Variants in SV2C observed in about 807,000 individuals in gnomAD.
The protein encoded by SV2C is synaptic vesicle glycoprotein 2C.
In SV2C, 49 loss-of-function variants were observed where a neutral mutation model predicts 79.7. The ratio of observed to expected loss-of-function variants is 0.61; its 90% CI spans 0.49 to 0.78. The LOEUF is 0.78. SV2C is among the 30% of genes least tolerant of loss of function. SV2C has a pLI of 0.00. For missense variants in SV2C, 833 were observed against 912.9 expected (o/e 0.91, Z 1.13); for synonymous variants, 334 against 333.2 (o/e 1.00, Z -0.03).
intron 2 of SV2C, among the ~76,000 whole-genome samples, chr5:76,175,887 G>T (rs1190362226): frequency 6.6e-6 from 1 of 152,124 alleles, no homozygotes; most frequent in African/African-American, 2.4e-5. Flanking sequence ...CTGTCTGACA[G>T]CCCCCACTGC....
the SV2C span, among the ~76,000 whole-genome samples, chr5:75,886,040 G>A: frequency 5.9e-5 from 9 of 152,082 alleles, no homozygotes; most frequent in Non-Finnish European, 1.2e-4. Context: ...AGGGCCTTGG[G>A]CCTCTATACT....
chr5:76,340,707 T>A (rs1749425147), intron 12 of SV2C, among the ~76,000 whole-genome samples: 1 of 152,176 alleles, frequency 6.6e-6, no homozygotes, highest in Admixed American at 6.5e-5. Context: ...AAAGAAACAG[T>A]AGTTTTAACT....
chr5:76,107,023 A>G lies in SV2C; in HGVS notation c.-102+23511A>G, dbSNP rs111934332. ...AAGAATGAACGTATTCACAAATCAT[A>G]AATAGAAACTCAAGAAATGTGTTAT... On this transcript the variant is annotated intron_variant, in intron 1 of 12. Transcript: ENST00000502798. Among the ~76,000 whole-genome samples, 729 of 152,306 alleles carry G rather than the reference A, an allele frequency of 4.8e-3. 3 individuals are homozygous for G. The highest frequency in any genetic ancestry group is 7.6e-3 in the Non-Finnish European group (519 of 68,028).
chr5:76,061,268 T>TAAAAAAAAAAAA, the SV2C span, among the ~76,000 whole-genome samples: 17 of 51,602 alleles, frequency 3.3e-4, no homozygotes, highest in African/African-American at 1.1e-3. Flanking sequence ...CTTCAATTTG[T>TAAAAAAAAAAAA]AAAAAAAAAA....
At chr5:76,034,279 C>A in the SV2C span, among the ~76,000 whole-genome samples, 1 of 152,092 alleles carries the variant, frequency 6.6e-6, no homozygotes, top group African/African-American at 2.4e-5. Flanking sequence ...GAACTTCCAA[C>A]ACTATGTTGA....
intron 4 of SV2C, among the ~76,000 whole-genome samples, chr5:76,245,914 GTGTGTGTGTGTGTGTGTGTGTA>G (rs1341957724): frequency 1.9e-4 from 5 of 26,958 alleles, no homozygotes; most frequent in Non-Finnish European, 4.0e-4. Context: ...GCAGGGGAGT[GTGTGTGTGTGTGTGTGTGTGTA>G]TGTGTGTGTG....
chr5:76,351,700 G>C (rs1749644785), intron 12 of SV2C, among the ~76,000 whole-genome samples: 1 of 152,110 alleles, frequency 6.6e-6, no homozygotes, highest in Non-Finnish European at 1.5e-5. Context: ...TTCTGTCCCA[G>C]TCAGTGTATC....
At chr5:76,071,067 AAGG>A in the SV2C span, among the ~76,000 whole-genome samples, 1 of 152,184 alleles carries the variant, frequency 6.6e-6, no homozygotes, top group Admixed American at 6.5e-5. Context: ...GATGAATGAG[AAGG>A]AGGTGGAAAA....
the SV2C span, among the ~76,000 whole-genome samples, chr5:75,989,292 G>A: frequency 6.6e-6 from 1 of 151,188 alleles, no homozygotes; most frequent in Non-Finnish European, 1.5e-5. Flanking sequence ...TCTTCTTGAT[G>A]CTGTCCCTCC....
chr5:76,282,776 G>A (rs1238865523), intron 4 of SV2C, among the ~76,000 whole-genome samples: 2 of 152,232 alleles, frequency 1.3e-5, no homozygotes, highest in Non-Finnish European at 2.9e-5. Flanking sequence ...TTGGGAGGCC[G>A]AGGCAGGCGG....
At chr5:76,250,224 A>G (rs1388162433) in intron 4 of SV2C, among the ~76,000 whole-genome samples, 1 of 152,152 alleles carries the variant, frequency 6.6e-6, no homozygotes, top group Non-Finnish European at 1.5e-5. Flanking sequence ...TATGATGAAG[A>G]AAAGTTCAAA....
At chr5:76,089,642 C>T (rs1254617883) in intron 1 of SV2C, among the ~76,000 whole-genome samples, 1 of 152,218 alleles carries the variant, frequency 6.6e-6, no homozygotes, top group Non-Finnish European at 1.5e-5. Flanking sequence ...TACATTCCCA[C>T]CAACAGTGGA....
chr5:75,894,864 A>G, the SV2C span, among the ~76,000 whole-genome samples: 2 of 152,024 alleles, frequency 1.3e-5, no homozygotes, highest in Non-Finnish European at 2.9e-5. Flanking sequence ...CTTGAGAAGG[A>G]CTTGTGCTCT....
the SV2C span, among the ~76,000 whole-genome samples, chr5:75,866,518 A>G: frequency 6.6e-6 from 1 of 152,254 alleles, no homozygotes; most frequent in Non-Finnish European, 1.5e-5. Context: ...TCACAGAGTT[A>G]TAAGTGATAG....
At chr5:76,128,080 T>C (rs1430681797) in intron 1 of SV2C, among the ~76,000 whole-genome samples, 1 of 152,166 alleles carries the variant, frequency 6.6e-6, no homozygotes, top group African/African-American at 2.4e-5. Flanking sequence ...CTCACAACAC[T>C]GGAAGGTGGT....
intron 6 of SV2C, among the ~76,000 whole-genome samples, chr5:76,287,153 T>G (rs1462448000): frequency 6.6e-6 from 1 of 152,238 alleles, no homozygotes; most frequent in Non-Finnish European, 1.5e-5. Flanking sequence ...GAAAAGTTTA[T>G]TCATAGGCCT....
rs146248080 is a variant in SV2C, at chr5:76,120,465, C to T, written c.-101-11185C>T. ...ATGTGCCATGCTGGTATGCTGCACCCATTAACTCGTCATTTAGCATTAGGT... is the reference window on the plus strand; with the variant it reads ...ATGTGCCATGCTGGTATGCTGCACCTATTAACTCGTCATTTAGCATTAGGT... On this transcript the variant is annotated intron_variant, in intron 1 of 12. Transcript: ENST00000502798. Among the ~76,000 whole-genome samples the T allele has an allele frequency of 4.9e-3, 717 of 145,986 alleles. 24 individuals carry two copies. The highest frequency in any genetic ancestry group is 0.019 in the African/African-American group (686 of 37,062).
rs747365343 is a variant in SV2C, at chr5:76,209,871, C to T, written c.897C>T (p.Ala299=). The T allele has an allele frequency of 1.2e-6, 2 of 1,613,462 alleles. No homozygotes were observed. Among genetic ancestry groups the T allele is most frequent in the South Asian group, 1.1e-5 (1 of 90,936 alleles). Residue 299 remains alanine, a synonymous_variant, in exon 4 of 13, where the codon GCC becomes GCT. Transcript: ENST00000502798. ...TCTACGCCTCTGCCATGGCCTGGGCCATCATCCCGCACTACGGTAAGAGGC... is the reference window on the plus strand; with the variant it reads ...TCTACGCCTCTGCCATGGCCTGGGCTATCATCCCGCACTACGGTAAGAGGC... ...GGIYASAMAW[A]IIPHYGWSFS...
the SV2C span, among the ~76,000 whole-genome samples, chr5:75,968,372 T>G: frequency 1.3e-5 from 2 of 152,004 alleles, no homozygotes; most frequent in Non-Finnish European, 2.9e-5. Flanking sequence ...AAGATCAAAC[T>G]ACTCTGAGCT....
Sources: allele counts gnomAD v4.1 joint callset (sites outside exome capture counted in the v4.1 genomes callset), GRCh38; gene constraint gnomAD v4.1.1; transcripts MANE v1.5; gene names NCBI Gene and HGNC (gene_info 2026-07-23, HGNC 2026-07-21).